The following DTNB variants were observed in gnomAD, a reference collection of about 807,000 sequenced individuals.
DTNB encodes DTN-B.
DTNB carries 63 observed loss-of-function variants against 90.7 expected under a neutral mutation model. The observed-to-expected ratio is 0.69, with a 90% CI of 0.57 to 0.86. The LOEUF is 0.86. Among genes scored for constraint, DTNB ranks in the 40% least tolerant of loss-of-function variants. DTNB has a pLI of 0.00. For synonymous variants in DTNB, 277 were observed against 286.7 expected, an observed-to-expected ratio of 0.97 and a Z score of 0.34; for missense variants, 744 against 807.1, an observed-to-expected ratio of 0.92 and a Z score of 0.95.
intron 6 of DTNB, among the ~76,000 whole-genome samples, chr2:25,590,132 A>C (rs1315829537): frequency 6.6e-6 from 1 of 152,206 alleles, no homozygotes; most frequent in East Asian, 1.9e-4. Flanking sequence ...GGAACCACAG[A>C]GCCCCAAGGA....
At chr2:25,607,462 T>G in intron 4 of DTNB, 141 bp from the exon 5 acceptor site, 2 of 749,190 alleles carry the variant, frequency 2.7e-6, no homozygotes, top group South Asian at 5.6e-5. Flanking sequence ...AACCCTGGAT[T>G]TTTTTTTTTT....
At chr2:25,624,830 G>A (rs150673234) in intron 4 of DTNB, among the ~76,000 whole-genome samples, 463 of 152,196 alleles carry the variant, frequency 3.0e-3, no homozygotes, top group African/African-American at 0.01. Context: ...ACATTGTACC[G>A]GAGAAACTGA....
At position 25,623,545 on chromosome 2, in the gene DTNB, C is replaced by G. The variant is rs187451613; in HGVS notation, c.362+4626G>C. On this transcript the variant is annotated intron_variant, in intron 4 of 20. Coordinates refer to ENST00000406818, the MANE Select transcript of DTNB (RefSeq NM_021907.5). ...AAAGGTAATCGTGTCCAGAAGTAAA[C>G]AGGTCCTCACATGTACTGATTAAGA... 1.4e-4 allele frequency among the ~76,000 whole-genome samples: 22 copies of G among 152,274 alleles called. No individual in the cohort carries two copies. The East Asian group carries it at 4.3e-3, about 29-fold the overall frequency.
At chr2:25,668,081 T>C (rs1386383933) in intron 1 of DTNB, among the ~76,000 whole-genome samples, 1 of 151,764 alleles carries the variant, frequency 6.6e-6, no homozygotes, top group Non-Finnish European at 1.5e-5. Context: ...CTACTAAAAA[T>C]ACAAAAAATT....
chr2:25,526,380 TATATATA>T (rs2077119242), intron 9 of DTNB, among the ~76,000 whole-genome samples: 1 of 52,244 alleles, frequency 1.9e-5, no homozygotes, highest in African/African-American at 1.1e-4. Flanking sequence ...TATATATATA[TATATATA>T]TATATATATT....
At chr2:25,480,757 A>G (rs1325222314) in intron 10 of DTNB, among the ~76,000 whole-genome samples, 1 of 152,172 alleles carries the variant, frequency 6.6e-6, no homozygotes, top group African/African-American at 2.4e-5. Flanking sequence ...GAAAACTATG[A>G]CCTGAATTCT....
At chr2:25,520,864 G>A (rs930552548) in intron 9 of DTNB, among the ~76,000 whole-genome samples, 7 of 152,142 alleles carry the variant, frequency 4.6e-5, no homozygotes, top group African/African-American at 9.7e-5. Context: ...AAGTATTACT[G>A]TAATTACAGT....
At position 25,427,576 on chromosome 2, in the gene DTNB, C is replaced by T. The variant is rs373630664; in HGVS notation, c.1513G>A (p.Glu505Lys). 6.2e-7 allele frequency: 1 copy of T among 1,613,816 alleles called. No individual in the cohort carries two copies. Among genetic ancestry groups the T allele is most frequent in the Non-Finnish European group, 8.5e-7 (1 of 1,179,852 alleles). Reference protein sequence around the residue: ...RMSALQESRRELMVQLEELMK... With the variant: ...RMSALQESRRKLMVQLEELMK... ...AGCTCTTCCAGCTGGACCATCAGCTCCCGCCTGCTCTCCTGCAGGGCCGAC... is the reference window on the plus strand; with the variant it reads ...AGCTCTTCCAGCTGGACCATCAGCTTCCGCCTGCTCTCCTGCAGGGCCGAC... The change falls in exon 15 of 21, where the codon GAG (glutamate) becomes AAG (lysine). Residue 505 changes from glutamate (E) to lysine (K), a missense_variant. By Grantham distance (56) the Glu-to-Lys change is moderately conservative. Transcript: ENST00000406818.
chr2:25,438,342 G>A (rs1388290330), intron 12 of DTNB, among the ~76,000 whole-genome samples: 1 of 152,056 alleles, frequency 6.6e-6, no homozygotes, highest in African/African-American at 2.4e-5. Flanking sequence ...ATCTCATAAT[G>A]TTTTAAGAAA....
chr2:25,471,200 G>A (rs1321641677), intron 10 of DTNB, among the ~76,000 whole-genome samples: 1 of 152,080 alleles, frequency 6.6e-6, no homozygotes, highest in African/African-American at 2.4e-5. Context: ...TAGGTTCTCT[G>A]GCACAGCCAG....
At chr2:25,574,770 T>C (rs2060403104) in intron 8 of DTNB, among the ~76,000 whole-genome samples, 1 of 152,204 alleles carries the variant, frequency 6.6e-6, no homozygotes, top group South Asian at 2.1e-4. Flanking sequence ...TTCAAAATTA[T>C]GCAGGATAAC....
intron 9 of DTNB, 122 bp downstream of exon 9, chr2:25,531,351 A>C: frequency 6.9e-7 from 1 of 1,443,928 alleles, no homozygotes. Flanking sequence ...GTTCCCACAA[A>C]AGAAAGTAAA....
At chr2:25,664,872 T>A (rs1175507727) in intron 1 of DTNB, among the ~76,000 whole-genome samples, 1 of 152,086 alleles carries the variant, frequency 6.6e-6, no homozygotes, top group Non-Finnish European at 1.5e-5. Flanking sequence ...CTTTCTATTG[T>A]GTCACATCGC....
intron 8 of DTNB, among the ~76,000 whole-genome samples, chr2:25,557,767 T>C (rs2057601589): frequency 6.6e-6 from 1 of 152,204 alleles, no homozygotes; most frequent in African/African-American, 2.4e-5. Context: ...AGGTAAAAAA[T>C]TGAGACAGGG....
intron 18 of DTNB, among the ~76,000 whole-genome samples, chr2:25,385,617 C>T (rs2039249191): frequency 6.6e-6 from 1 of 152,166 alleles, no homozygotes; most frequent in Non-Finnish European, 1.5e-5. Flanking sequence ...CAGCTTTCCC[C>T]CTTCAAGCTG....
intron 4 of DTNB, among the ~76,000 whole-genome samples, chr2:25,620,018 C>T (rs201887017): frequency 1.3e-5 from 2 of 151,562 alleles, no homozygotes; most frequent in African/African-American, 2.4e-5. Flanking sequence ...CCAGCCTGGG[C>T]GACAGAGTGA....
chr2:25,629,262 G>A (rs575449580), intron 3 of DTNB, among the ~76,000 whole-genome samples: 18 of 152,210 alleles, frequency 1.2e-4, no homozygotes, highest in Non-Finnish European at 1.8e-4. Context: ...GTTCAATAAA[G>A]ACATTTTCAA....
At chr2:25,606,244 G>A (rs183606702) in intron 5 of DTNB, among the ~76,000 whole-genome samples, 2 of 150,792 alleles carry the variant, frequency 1.3e-5, no homozygotes, top group Non-Finnish European at 2.9e-5. Flanking sequence ...ATCCAAATCC[G>A]GGCTCACAGG....
At chr2:25,656,718 C>A (rs1052410136) in intron 1 of DTNB, among the ~76,000 whole-genome samples, 12 of 152,214 alleles carry the variant, frequency 7.9e-5, no homozygotes, top group Non-Finnish European at 1.8e-4. Context: ...TGTGGGCATA[C>A]AGAGAAATCC....
Sources: allele counts gnomAD v4.1 joint callset (sites outside exome capture counted in the v4.1 genomes callset), GRCh38; gene constraint gnomAD v4.1.1; transcripts MANE v1.5; gene names NCBI Gene and HGNC (gene_info 2026-07-23, HGNC 2026-07-21).